ATRNL1: variants seen among roughly 807,000 people sequenced by gnomAD.
ATRNL1 encodes attractin like 1, also known as attractin-like protein 1.
A neutral mutation model predicts 182.7 loss-of-function variants in ATRNL1; 95 were observed. The ratio of observed to expected loss-of-function variants is 0.52; its 90% CI spans 0.44 to 0.62. ATRNL1 has a LOEUF of 0.62. Ranked by LOEUF, ATRNL1 falls within the 20% of genes least tolerant of loss-of-function variation. The pLI is 0.00. For missense variants in ATRNL1, 1,471 were observed against 1,679.5 expected (o/e 0.88, Z 2.17); for synonymous variants, 576 against 568.3 (o/e 1.01, Z -0.19).
chr10:115,463,630 A>G (rs1055903318), intron 22 of ATRNL1, among the ~76,000 whole-genome samples: 12 of 152,138 alleles, frequency 7.9e-5, no homozygotes, highest in African/African-American at 2.7e-4. Flanking sequence ...TCCCTAACAG[A>G]AACTCTGTGA....
At chr10:115,583,317 A>G (rs1855259750) in intron 26 of ATRNL1, among the ~76,000 whole-genome samples, 1 of 82,542 alleles carries the variant, frequency 1.2e-5, no homozygotes, top group African/African-American at 3.4e-5. Context: ...ATGGCATTGA[A>G]TCTATCTGTA....
At chr10:115,601,834 A>C (rs1346839001) in intron 26 of ATRNL1, among the ~76,000 whole-genome samples, 2 of 152,082 alleles carry the variant, frequency 1.3e-5, no homozygotes, top group African/African-American at 4.8e-5. Context: ...TGCATTTCTA[A>C]TTGCAGTGTT....
chr10:115,808,105 TAAC>T (rs1949964285), intron 27 of ATRNL1, among the ~76,000 whole-genome samples: 1 of 152,200 alleles, frequency 6.6e-6, no homozygotes, highest in South Asian at 2.1e-4. Context: ...TTTCATTAAG[TAAC>T]AATAAGTGAT....
At chr10:115,475,697 C>T (rs1220796677) in intron 24 of ATRNL1, among the ~76,000 whole-genome samples, 1 of 151,242 alleles carries the variant, frequency 6.6e-6, no homozygotes, top group African/African-American at 2.4e-5. Flanking sequence ...AAAACCTTAC[C>T]TATTGCATTG....
At chr10:115,261,249 A>G (rs1164789039) in intron 10 of ATRNL1, among the ~76,000 whole-genome samples, 1 of 152,132 alleles carries the variant, frequency 6.6e-6, no homozygotes, top group African/African-American at 2.4e-5. Context: ...ATCATACTAA[A>G]AGTGTTAGAG....
At chr10:115,900,171 A>T (rs1426232986) in intron 28 of ATRNL1, among the ~76,000 whole-genome samples, 1 of 152,236 alleles carries the variant, frequency 6.6e-6, no homozygotes, top group Non-Finnish European at 1.5e-5. Context: ...TTTCCAATAA[A>T]TTGTGCTGGA....
chr10:115,385,370 T>C (rs1230171393), intron 19 of ATRNL1, among the ~76,000 whole-genome samples: 7 of 152,116 alleles, frequency 4.6e-5, no homozygotes, highest in Non-Finnish European at 1.0e-4. Flanking sequence ...GCGTATGAAG[T>C]ATCTATTCAG....
At chr10:115,606,861 G>A (rs1444634360) in intron 26 of ATRNL1, among the ~76,000 whole-genome samples, 2 of 151,938 alleles carry the variant, frequency 1.3e-5, no homozygotes, top group East Asian at 1.9e-4. Context: ...TAGTAAACAT[G>A]AACAATGATT....
rs546619087 is a variant in ATRNL1, at chr10:115,508,782, AT to A, written c.3655-10480del. ...TTTATGAGGTTTAAGTAAGGAAGCC[AT>A]CTTCATAACAAAAGTGCGAGGTGAA... On this transcript the variant is annotated intron_variant, in intron 24 of 28. Transcript: ENST00000355044. Among the ~76,000 whole-genome samples the A allele has an allele frequency of 2.3e-4, 35 of 152,170 alleles. 1 individual carries two copies. The South Asian group carries it at 7.0e-3, about 31-fold the overall frequency.
At chr10:115,857,286 A>G (rs1951212068) in intron 28 of ATRNL1, among the ~76,000 whole-genome samples, 1 of 152,170 alleles carries the variant, frequency 6.6e-6, no homozygotes, top group African/African-American at 2.4e-5. Flanking sequence ...GAAAAGTTAT[A>G]CAGGGACTTT....
chr10:115,879,469 G>T (rs749611418), intron 28 of ATRNL1, among the ~76,000 whole-genome samples: 1 of 152,090 alleles, frequency 6.6e-6, no homozygotes, highest in African/African-American at 2.4e-5. Context: ...AGCCATAGGA[G>T]AGCCCTATAT....
rs1593070944 is a variant in ATRNL1, at chr10:115,689,902, C to T, written c.3796-37346C>T. Reference sequence around the variant, plus strand: ...ATTCATAGCCCCACACAGGTAGCCTCTGTTCATGCACCTCAGCCTCCAGTG... The same window carrying T: ...ATTCATAGCCCCACACAGGTAGCCTTTGTTCATGCACCTCAGCCTCCAGTG... On this transcript the variant is annotated intron_variant, in intron 26 of 28. Transcript: ENST00000355044. Among the ~76,000 whole-genome samples, 4 of 152,314 alleles carry T rather than the reference C, an allele frequency of 2.6e-5. No individual in the cohort carries two copies. In the South Asian group the frequency reaches 8.3e-4, roughly 32 times the overall value.
intron 9 of ATRNL1, among the ~76,000 whole-genome samples, chr10:115,232,328 T>C (rs1849989008): frequency 6.6e-6 from 1 of 152,212 alleles, no homozygotes; most frequent in Non-Finnish European, 1.5e-5. Context: ...ATTTTGGTTT[T>C]AATTTGCGTT....
intron 18 of ATRNL1, among the ~76,000 whole-genome samples, chr10:115,329,006 A>C (rs568338705): frequency 6.6e-6 from 1 of 152,078 alleles, no homozygotes; most frequent in Non-Finnish European, 1.5e-5. Flanking sequence ...GCTGGATCAT[A>C]TAGTATTATA....
chr10:115,312,737 C>T (rs1854098415), intron 17 of ATRNL1, among the ~76,000 whole-genome samples: 1 of 152,128 alleles, frequency 6.6e-6, no homozygotes, highest in Non-Finnish European at 1.5e-5. Flanking sequence ...ACCTCAGGAA[C>T]ACCAGTGATT....
intron 19 of ATRNL1, among the ~76,000 whole-genome samples, chr10:115,374,936 T>C (rs1857591367): frequency 6.6e-6 from 1 of 151,896 alleles, no homozygotes; most frequent in Non-Finnish European, 1.5e-5. Context: ...GAGAAGAATG[T>C]GTATGCTGTT....
chr10:115,500,192 T>G (rs1849753367), intron 24 of ATRNL1, among the ~76,000 whole-genome samples: 1 of 152,202 alleles, frequency 6.6e-6, no homozygotes, highest in African/African-American at 2.4e-5. Flanking sequence ...TGTAAATAGA[T>G]TGCTGTTACA....
At chr10:115,327,856 A>G (rs1307719082) in intron 18 of ATRNL1, among the ~76,000 whole-genome samples, 2 of 151,686 alleles carry the variant, frequency 1.3e-5, no homozygotes, top group Non-Finnish European at 2.9e-5. Flanking sequence ...AACACCGCAT[A>G]TTCTCACTCA....
intron 19 of ATRNL1, among the ~76,000 whole-genome samples, chr10:115,370,891 G>A (rs1857359278): frequency 6.6e-6 from 1 of 152,264 alleles, no homozygotes; most frequent in South Asian, 2.1e-4. Context: ...CCACAGGCCA[G>A]GAGGCCTAGG....
Sources: allele counts gnomAD v4.1 joint callset (sites outside exome capture counted in the v4.1 genomes callset), GRCh38; gene constraint gnomAD v4.1.1; transcripts MANE v1.5; gene names NCBI Gene and HGNC (gene_info 2026-07-23, HGNC 2026-07-21).